Variants in ARHGAP17 observed in about 807,000 individuals in gnomAD.
The protein encoded by ARHGAP17 is Rho GTPase activating protein 17.
ARHGAP17 carries 57 observed loss-of-function variants against 99.5 expected under a neutral mutation model. That is an observed-to-expected ratio of 0.57 (90% CI 0.46 to 0.71). The LOEUF (loss-of-function observed/expected upper bound fraction) is 0.71, where lower values mean the gene tolerates loss of function less well. Among genes scored for constraint, ARHGAP17 ranks in the 30% least tolerant of loss-of-function variants. The pLI, the probability that ARHGAP17 is intolerant of heterozygous loss-of-function variation, is 0.00. For synonymous variants in ARHGAP17, 417 were observed against 429.6 expected (o/e 0.97, Z 0.36); for missense variants, 1,000 against 1,122.4 (o/e 0.89, Z 1.56).
At chr16:24,927,615 G>T in intron 19 of ARHGAP17, 1 of 825,592 alleles carries the variant, frequency 1.2e-6, no homozygotes, top group Non-Finnish European at 1.6e-6. Flanking sequence ...GTTAGTAACA[G>T]GCATGAGTGC....
intron 13 of ARHGAP17, 102 bp downstream of exon 13, chr16:24,949,302 T>C (rs2051563903): frequency 1.2e-6 from 1 of 829,112 alleles, no homozygotes; most frequent in Admixed American, 2.9e-5. Context: ...TTGTTGTTGT[T>C]GTTGTTTTTT....
intron 13 of ARHGAP17, 175 bp downstream of exon 13, chr16:24,949,229 T>C: frequency 1.9e-6 from 1 of 517,514 alleles, no homozygotes; most frequent in Non-Finnish European, 3.4e-6. Context: ...AAATTCATCA[T>C]AATATACATG....
At chr16:25,012,352 G>C (rs866060376) in intron 1 of ARHGAP17, among the ~76,000 whole-genome samples, 1 of 152,068 alleles carries the variant, frequency 6.6e-6, no homozygotes, top group African/African-American at 2.4e-5. Context: ...TCCCTCCCCT[G>C]GAACCTTACA....
chr16:25,007,567 T>C (rs1320454953), intron 1 of ARHGAP17, among the ~76,000 whole-genome samples: 1 of 152,090 alleles, frequency 6.6e-6, no homozygotes, highest in African/African-American at 2.4e-5. Context: ...GATCTTGCTA[T>C]GTTGCTCAGG....
chr16:24,965,341 G>A (rs2141292903), intron 6 of ARHGAP17, among the ~76,000 whole-genome samples: 1 of 152,238 alleles, frequency 6.6e-6, no homozygotes, highest in East Asian at 1.9e-4. Flanking sequence ...GTGGTGGCAG[G>A]CGCCTGTAGT....
chr16:24,988,547 T>A (rs1001327961), intron 1 of ARHGAP17, among the ~76,000 whole-genome samples: 1 of 152,236 alleles, frequency 6.6e-6, no homozygotes, highest in Non-Finnish European at 1.5e-5. Flanking sequence ...TTACTTTAAA[T>A]GACAATAAAA....
At chr16:25,009,851 A>C (rs1259749863) in intron 1 of ARHGAP17, among the ~76,000 whole-genome samples, 1 of 152,160 alleles carries the variant, frequency 6.6e-6, no homozygotes, top group Admixed American at 6.5e-5. Context: ...GGCTATGAGA[A>C]TGCAATGAAA....
At chr16:24,935,965 A>T in intron 17 of ARHGAP17, 2 of 353,152 alleles carry the variant, frequency 5.7e-6, no homozygotes, top group Non-Finnish European at 1.1e-5. Flanking sequence ...TATTTATTTT[A>T]TGAGATTCGT....
intron 19 of ARHGAP17, chr16:24,927,562 G>T: frequency 3.9e-6 from 1 of 254,588 alleles, no homozygotes; most frequent in Non-Finnish European, 7.3e-6. Context: ...TTCAGTGCAT[G>T]CACTATTAGT....
At chr16:24,963,660 T>G (rs1346026868) in intron 7 of ARHGAP17, among the ~76,000 whole-genome samples, 1 of 152,190 alleles carries the variant, frequency 6.6e-6, no homozygotes, top group Non-Finnish European at 1.5e-5. Context: ...ACCATCTAAT[T>G]AATCTGTAAT....
chr16:24,934,035 G>C (rs1389420977), intron 18 of ARHGAP17, among the ~76,000 whole-genome samples: 2 of 152,144 alleles, frequency 1.3e-5, no homozygotes, highest in Admixed American at 1.3e-4. Flanking sequence ...AATAAAGTGG[G>C]GGTCTGCAAC....
rs28527472 is a variant in ARHGAP17, at chr16:24,941,973, C to T, written c.1490+14G>A. On this transcript the variant is annotated intron_variant, in intron 16 of 19. Transcript: ENST00000289968. ...TATTTACTGCTGGTTTGGAAGTGAA[C>T]GGTCAAATCATACCTTTCCTTCTTC... 1,279 of 1,613,732 alleles carry T rather than the reference C, an allele frequency of 7.9e-4. 17 individuals are homozygous for T. The African/African-American group carries it at 0.015, about 19-fold the overall frequency.
At chr16:24,952,106 C>T (rs965965168) in intron 12 of ARHGAP17, among the ~76,000 whole-genome samples, 183 bp downstream of exon 12, 3 of 152,036 alleles carry the variant, frequency 2.0e-5, no homozygotes, top group African/African-American at 7.3e-5. Flanking sequence ...GGTGACTTTC[C>T]TACACTAATA....
rs757353149 is a variant in ARHGAP17, at chr16:24,935,520, A to G, written c.1844T>C (p.Met615Thr). ...CCCTGCAGCATTGTGAGGTTGGCCC[A>G]TGGAGAGCTGGTGGGAGCCAGCAGC... ...QAAAGSHQLS[M>T]GQPHNAAGPS... is the part of the protein sequence containing the mutation. The change falls in exon 18 of 20, where the codon ATG (methionine) becomes ACG (threonine). Residue 615 changes from methionine (M) to threonine (T), a missense_variant. This residue lies in a region of ARHGAP17 where 528 missense variants were observed against 511.4 expected (regional missense o/e 1.03). Coordinates refer to ENST00000289968, the MANE Select transcript of ARHGAP17 (RefSeq NM_001006634.3). The G allele has an allele frequency of 7.4e-6, 12 of 1,612,994 alleles. No individual in the cohort carries two copies. In the Admixed American group the frequency reaches 1.0e-4, roughly 13 times the overall value.
chr16:24,971,269 G>A (rs2052353029), intron 3 of ARHGAP17, among the ~76,000 whole-genome samples: 1 of 151,704 alleles, frequency 6.6e-6, no homozygotes, highest in Non-Finnish European at 1.5e-5. Context: ...ATCCTGACAG[G>A]TAAATGCAAT....
chr16:24,996,741 CAGATTGGAA>C, intron 1 of ARHGAP17, among the ~76,000 whole-genome samples: 1 of 152,146 alleles, frequency 6.6e-6, no homozygotes, highest in Middle Eastern at 3.4e-3. Flanking sequence ...ATCTAATTTA[CAGATTGGAA>C]AGATTGAAAG....
intron 4 of ARHGAP17, among the ~76,000 whole-genome samples, chr16:24,970,124 G>A (rs911126694): frequency 3.3e-5 from 5 of 151,996 alleles, no homozygotes; most frequent in African/African-American, 9.7e-5. Context: ...GGACGTTTTG[G>A]TGACCGCCTG....
At chr16:24,950,836 C>CAAACAAAAAAAAAAAAAAAAAA (rs1386246671) in intron 12 of ARHGAP17, among the ~76,000 whole-genome samples, 2 of 39,444 alleles carry the variant, frequency 5.1e-5, no homozygotes, top group African/African-American at 2.1e-4. Flanking sequence ...GACTCCAACT[C>CAAACAAAAAAAAAAAAAAAAAA]AAAAAAAAAA....
rs372116214 is a variant in ARHGAP17, at chr16:24,968,422, C to A, written c.390G>T (p.Glu130Asp). ...VDPLYGIAEV[E>D]IPNIQKQRKQ... ...TCCTCTGCTTCTGGATGTTGGGAAT[C>A]TCCACCTAAAAATAAGAACATACCA... The change falls in exon 6 of 20, where the codon GAG becomes GAT. Residue 130 changes from glutamate to aspartate, a missense_variant. Around this residue, in one of 2 missense-constraint regions of ARHGAP17, gnomAD observed 472 missense variants for 611.1 expected, o/e 0.77. Coordinates refer to ENST00000289968, the MANE Select transcript of ARHGAP17 (RefSeq NM_001006634.3). 3 of 1,614,196 alleles carry A rather than the reference C, an allele frequency of 1.9e-6. No homozygotes were observed. The highest frequency in any genetic ancestry group is 2.5e-6 in the Non-Finnish European group (3 of 1,180,020).
Sources: allele counts gnomAD v4.1 joint callset (sites outside exome capture counted in the v4.1 genomes callset), GRCh38; gene constraint gnomAD v4.1.1; regional missense constraint gnomAD v4.1.1; transcripts MANE v1.5; gene names NCBI Gene and HGNC (gene_info 2026-07-23, HGNC 2026-07-21).